The following GLRA1 variants were observed in gnomAD, a reference collection of about 807,000 sequenced individuals.
GLRA1 encodes the protein glycine receptor alpha 1, also known as glycine receptor subunit alpha-1.
Under a neutral mutation model 48.3 loss-of-function variants are expected in GLRA1, and 37 were observed. The observed-to-expected ratio is 0.77, with a 90% CI of 0.59 to 1.01. GLRA1 has a LOEUF of 1.01. Ranked by LOEUF, GLRA1 falls within the 50% of genes least tolerant of loss-of-function variation. The probability of loss-of-function intolerance (pLI) is 0.00; values close to 1 mark genes in which losing one functional copy is unlikely to be tolerated. For missense variants in GLRA1, 427 were observed against 571.0 expected, an observed-to-expected ratio of 0.75 and a Z score of 2.57; for synonymous variants, 196 against 210.7, an observed-to-expected ratio of 0.93 and a Z score of 0.60.
At chr5:151,866,032 C>G (rs1318261872) in intron 3 of GLRA1, among the ~76,000 whole-genome samples, 2 of 152,182 alleles carry the variant, frequency 1.3e-5, no homozygotes, top group Non-Finnish European at 2.9e-5. Flanking sequence ...TGTTCAAGTT[C>G]AGGGACTGGA....
chr5:151,822,973 A>G lies in GLRA1; in HGVS notation c.1060-10T>C. The G allele has an allele frequency of 1.3e-6, 2 of 1,593,134 alleles. No homozygotes were observed. Among genetic ancestry groups the G allele is most frequent in the Non-Finnish European group, 1.7e-6 (2 of 1,168,564 alleles). ...CTCCAGCTTCATCCTCCTGGAATAGATTCAACATGGGGCTCTACTTAAAAT... is the reference window on the plus strand; with the variant it reads ...CTCCAGCTTCATCCTCCTGGAATAGGTTCAACATGGGGCTCTACTTAAAAT... On this transcript the variant is annotated splice_polypyrimidine_tract_variant and intron_variant, in intron 8 of 8. Coordinates refer to ENST00000274576, the MANE Select transcript of GLRA1 (RefSeq NM_000171.4).
At chr5:151,844,995 A>G (rs1270019078) in intron 7 of GLRA1, among the ~76,000 whole-genome samples, 1 of 152,246 alleles carries the variant, frequency 6.6e-6, no homozygotes, top group Admixed American at 6.5e-5. Flanking sequence ...GGGAGACGCC[A>G]GGTTCTTTTT....
intron 7 of GLRA1, among the ~76,000 whole-genome samples, chr5:151,847,194 C>G (rs1011081142): frequency 4.6e-5 from 7 of 152,166 alleles, no homozygotes; most frequent in African/African-American, 1.7e-4. Flanking sequence ...AAAGGAAGCA[C>G]AATGTGGTGT....
chr5:151,833,796 C>CAAAAAAAAAAA (rs757336792), intron 7 of GLRA1, among the ~76,000 whole-genome samples: 24 of 64,764 alleles, frequency 3.7e-4, no homozygotes, highest in East Asian at 1.6e-3. Flanking sequence ...AAGTGGAAAG[C>CAAAAAAAAAAA]AAAAAAAAAA....
chr5:151,889,696 G>T (rs1056024154), intron 2 of GLRA1, among the ~76,000 whole-genome samples: 1 of 152,032 alleles, frequency 6.6e-6, no homozygotes, highest in Non-Finnish European at 1.5e-5. Context: ...AGTCATAGGG[G>T]CCCTGATCCT....
In GLRA1 at chr5:151,859,997, G is replaced by A. The variant is rs1459949694; in HGVS notation, c.264C>T (p.Val88=). The A allele has an allele frequency of 1.2e-6, 2 of 1,613,124 alleles. No homozygotes were observed. Among genetic ancestry groups the A allele is most frequent in the Non-Finnish European group, 1.7e-6 (2 of 1,179,174 alleles). The change falls in exon 4 of 9, where the codon GTC becomes GTT. Residue 88 remains valine, a synonymous_variant. Transcript: ENST00000274576. ...TCCATTGCTGCCGCAGGAAGATGTT[G>A]ACCCTATAGTCCTACAGCCAGGAAA... The part of the protein sequence containing the change: ...SIAETTMDYR[V]NIFLRQQWND...
Position 151,828,990 on chromosome 5 carries a change from A to G in GLRA1, c.990T>C (p.Ala330=), listed in dbSNP as rs377190917. Residue 330 remains alanine, a synonymous_variant, in exon 8 of 9, where the codon GCT becomes GCC. Transcript: ENST00000274576. ...LFVFSALLEY[A]AVNFVSRQHK... ...GTTGCCGAGACACAAAGTTAACGGC[A>G]GCATATTCTAATAGGGCTGAGAACA... 6.2e-7 allele frequency: 1 copy of G among 1,614,194 alleles called. No homozygotes were observed. Among genetic ancestry groups the G allele is most frequent in the Non-Finnish European group, 8.5e-7 (1 of 1,179,996 alleles).
At chr5:151,914,172 G>A (rs1356187912) in intron 1 of GLRA1, among the ~76,000 whole-genome samples, 1 of 152,186 alleles carries the variant, frequency 6.6e-6, no homozygotes, top group Admixed American at 6.5e-5. Flanking sequence ...AATAGCAATA[G>A]GGCTTGTAGG....
intron 1 of GLRA1, among the ~76,000 whole-genome samples, chr5:151,903,908 G>C (rs1754418530): frequency 1.3e-5 from 2 of 152,214 alleles, no homozygotes; most frequent in African/African-American, 4.8e-5. Flanking sequence ...CTTAGTGGCA[G>C]AGCTGATACA....
At chr5:151,878,625 TAG>T (rs964049694) in intron 3 of GLRA1, among the ~76,000 whole-genome samples, 1 of 152,162 alleles carries the variant, frequency 6.6e-6, no homozygotes, top group Non-Finnish European at 1.5e-5. Flanking sequence ...GTGTGCGGTC[TAG>T]AGACTTGGTG....
chr5:151,873,046 C>T (rs1396917989), intron 3 of GLRA1, among the ~76,000 whole-genome samples: 4 of 149,730 alleles, frequency 2.7e-5, no homozygotes, highest in African/African-American at 1.0e-4. Flanking sequence ...ATTCTTATTT[C>T]TCATTCTCTT....
At chr5:151,859,001 G>C (rs1464145773) in intron 4 of GLRA1, among the ~76,000 whole-genome samples, 4 of 152,128 alleles carry the variant, frequency 2.6e-5, no homozygotes, top group African/African-American at 7.2e-5. Flanking sequence ...ACTTTGGCAG[G>C]TTACTTAAAT....
At chr5:151,828,031 T>C (rs1763321932) in intron 8 of GLRA1, among the ~76,000 whole-genome samples, 1 of 152,168 alleles carries the variant, frequency 6.6e-6, no homozygotes, top group East Asian at 1.9e-4. Context: ...GGTCTCTGCC[T>C]TTATGGAGCT....
At position 151,892,220 on chromosome 5, in the gene GLRA1, G is replaced by GT. The variant is rs578070297; in HGVS notation, c.184+90dup. The GT allele has an allele frequency of 8.4e-4, 981 of 1,164,956 alleles. 7 individuals are homozygous for GT. The African/African-American group carries it at 0.012, about 15-fold the overall frequency. The allele number at this position is 1,164,956 out of a possible 1,614,324, so 72.2% of individuals were successfully genotyped here. On this transcript the variant is annotated intron_variant, in intron 2 of 8. Coordinates refer to ENST00000274576, the MANE Select transcript of GLRA1 (RefSeq NM_000171.4). ...GAAAGAGTCATGGGATTCACACTGCGTATTTACCATCTGCGTGCATTACCA... is the reference window on the plus strand; with the variant it reads ...GAAAGAGTCATGGGATTCACACTGCGTTATTTACCATCTGCGTGCATTACCA...
Position 151,841,546 on chromosome 5 carries a change from A to G in GLRA1, c.912+9844T>C, listed in dbSNP as rs138739327. ...AGAAAATCAATGAAACCAAATGTTG[A>G]TTCTTTGAAAAAATTAGCAAAATTG... On this transcript the variant is annotated intron_variant, in intron 7 of 8. Coordinates refer to ENST00000274576, the MANE Select transcript of GLRA1 (RefSeq NM_000171.4). Among the ~76,000 whole-genome samples, 15 of 152,330 alleles carry G rather than the reference A, an allele frequency of 9.8e-5. No individual in the cohort carries two copies. The East Asian group carries it at 2.9e-3, about 29-fold the overall frequency.
At chr5:151,910,533 CT>C (rs914592821) in intron 1 of GLRA1, among the ~76,000 whole-genome samples, 9 of 152,128 alleles carry the variant, frequency 5.9e-5, no homozygotes, top group Non-Finnish European at 1.3e-4. Context: ...TTTGCCTTCC[CT>C]TCTCTCTCCA....
chr5:151,829,070 A>G lies in GLRA1; in HGVS notation c.913-3T>C, dbSNP rs1763352708. 1 of 1,613,624 alleles carries G rather than the reference A, an allele frequency of 6.2e-7. No individual in the cohort carries two copies. Among genetic ancestry groups the G allele is most frequent in the African/African-American group, 1.3e-5 (1 of 74,942 alleles). ...TCAATGGCTTTCACATAGGACACCT[A>G]GAGTGGGGGTGGAGGAGAAACAGGG... is the stretch of plus-strand genomic sequence containing the variant. On this transcript the variant is annotated splice_polypyrimidine_tract_variant and splice_region_variant and intron_variant, in intron 7 of 8. Transcript: ENST00000274576.
At chr5:151,913,249 C>G (rs1415426008) in intron 1 of GLRA1, among the ~76,000 whole-genome samples, 2 of 152,096 alleles carry the variant, frequency 1.3e-5, no homozygotes, top group African/African-American at 2.4e-5. Context: ...AGCAAACTGC[C>G]AAGACCATAC....
At chr5:151,889,264 A>C (rs183406214) in intron 2 of GLRA1, among the ~76,000 whole-genome samples, 17 of 152,362 alleles carry the variant, frequency 1.1e-4, no homozygotes, top group African/African-American at 3.8e-4. Context: ...ATTTCACTAA[A>C]TGTTAAAGTT....
Sources: allele counts gnomAD v4.1 joint callset (sites outside exome capture counted in the v4.1 genomes callset), GRCh38; gene constraint gnomAD v4.1.1; transcripts MANE v1.5; gene names NCBI Gene and HGNC (gene_info 2026-07-23, HGNC 2026-07-21).